The following FBXW10 variants were observed in gnomAD, a reference collection of about 807,000 sequenced individuals.
The protein encoded by FBXW10 is F-box and WD repeat domain containing 10, also known as F-box/WD repeat-containing protein 10.
A neutral mutation model predicts 113.1 loss-of-function variants in FBXW10; 68 were observed. The ratio of observed to expected loss-of-function variants is 0.60; its 90% CI spans 0.49 to 0.74. The LOEUF is 0.74. Ranked by LOEUF, FBXW10 falls within the 30% of genes least tolerant of loss-of-function variation. The pLI, the probability that FBXW10 is intolerant of heterozygous loss-of-function variation, is 0.00. For missense variants in FBXW10, 753 were observed against 1,284.5 expected (o/e 0.59, Z 6.32); for synonymous variants, 289 against 481.6 (o/e 0.60, Z 5.24).
intron 1 of FBXW10, among the ~76,000 whole-genome samples, chr17:18,745,709 C>T (rs79431518): frequency 0.026 from 3,934 of 152,248 alleles, 201 homozygotes; most frequent in African/African-American, 0.089. Context: ...CCACTGCACT[C>T]GACCAGGGAT....
intron 5 of FBXW10, among the ~76,000 whole-genome samples, chr17:18,754,329 C>G (rs1348487758): frequency 6.6e-6 from 1 of 152,040 alleles, no homozygotes; most frequent in Non-Finnish European, 1.5e-5. Flanking sequence ...TTAATTCAGG[C>G]TGGGATATGG....
intron 12 of FBXW10, among the ~76,000 whole-genome samples, chr17:18,774,304 C>G (rs898414660): frequency 1.3e-5 from 2 of 152,234 alleles, no homozygotes; most frequent in African/African-American, 4.8e-5. Context: ...CTATGTGACT[C>G]AGTTTCCAGG....
At chr17:18,752,485 C>A (rs376028839) in intron 5 of FBXW10, among the ~76,000 whole-genome samples, 1 of 152,048 alleles carries the variant, frequency 6.6e-6, no homozygotes, top group African/African-American at 2.4e-5. Context: ...GAGGCCGAGG[C>A]GGGCGGATCA....
chr17:18,755,243 A>G (rs1250081197), intron 5 of FBXW10, among the ~76,000 whole-genome samples: 1 of 150,304 alleles, frequency 6.7e-6, no homozygotes, highest in Non-Finnish European at 1.5e-5. Context: ...AGCCTGGGTG[A>G]GAAGAGTGAA....
At position 18,772,455 on chromosome 17, in the gene FBXW10, G is replaced by T; in HGVS notation, c.2050G>T (p.Glu684Ter). 1 of 1,614,080 alleles carries T rather than the reference G, an allele frequency of 6.2e-7. No individual in the cohort carries two copies. The highest frequency in any genetic ancestry group is 1.1e-5 in the South Asian group (1 of 91,038). The stretch of plus-strand genomic sequence containing the variant: ...GAGCAATGTTCTCATGTTCCAGTTT[G>T]AGCACATAAAGTGGCAGTATGCCGT... ...TESNVLMFQF[E>*]HIKWQYAVEK... Residue 684 changes from glutamate to a stop codon, truncating the protein, a stop_gained, in exon 12 of 14, where the codon GAG (glutamate) becomes TAG (stop). Coordinates refer to ENST00000395665, the MANE Select transcript of FBXW10 (RefSeq NM_001267585.2). LOFTEE classifies it high-confidence loss of function.
rs772238272 is a variant in FBXW10, at chr17:18,766,720, A to T, written c.1562A>T (p.Asp521Val). The stretch of plus-strand genomic sequence containing the variant: ...CTCTCTCCCTCCTGTTCAGTATGGG[A>T]TGTAGACACAGGGAAGTGCCTGAAG... Reference protein sequence around the residue: ...GGRDCQVKVWDVDTGKCLKTF... With the variant: ...GGRDCQVKVWVVDTGKCLKTF... Residue 521 changes from aspartate to valine, a missense_variant, in exon 9 of 14, where the codon GAT (aspartate) becomes GTT (valine). Asp to Val is a radical substitution (Grantham distance 152). Coordinates refer to ENST00000395665, the MANE Select transcript of FBXW10 (RefSeq NM_001267585.2). 102 of 1,613,388 alleles carry T rather than the reference A, an allele frequency of 6.3e-5. 1 individual carries two copies. Among genetic ancestry groups the T allele is most frequent in the Non-Finnish European group, 8.5e-5 (100 of 1,179,704 alleles).
At chr17:18,759,823 G>A (rs1221884735) in intron 7 of FBXW10, among the ~76,000 whole-genome samples, 1 of 152,064 alleles carries the variant, frequency 6.6e-6, no homozygotes, top group African/African-American at 2.4e-5. Flanking sequence ...CCCCATGTTA[G>A]CCAGGATGGT....
intron 1 of FBXW10, among the ~76,000 whole-genome samples, chr17:18,747,340 C>T (rs1251326974): frequency 6.6e-6 from 1 of 152,146 alleles, no homozygotes; most frequent in Non-Finnish European, 1.5e-5. Context: ...GCGGGTGGAT[C>T]ACCTGGAGTC....
intron 1 of FBXW10, among the ~76,000 whole-genome samples, chr17:18,746,111 G>T (rs2035034092): frequency 6.6e-6 from 1 of 152,126 alleles, no homozygotes; most frequent in Admixed American, 6.5e-5. Context: ...TAAACAGCCA[G>T]CTCTTGCTCG....
In FBXW10 at chr17:18,764,884, A is replaced by G. The variant is rs759684647; in HGVS notation, c.1555+21A>G. The stretch of plus-strand genomic sequence containing the variant: ...AAAAGGTGAGAAAGAAGTGCCTTAA[A>G]TTTTCTAAGAAGTTTCCCCCGACCC... On this transcript the variant is annotated intron_variant, in intron 8 of 13. Coordinates refer to ENST00000395665, the MANE Select transcript of FBXW10 (RefSeq NM_001267585.2). 5 of 1,613,760 alleles carry G rather than the reference A, an allele frequency of 3.1e-6. No homozygotes were observed. The Admixed American group carries it at 8.3e-5, about 27-fold the overall frequency.
chr17:18,772,915 T>G (rs1360533510), intron 12 of FBXW10, among the ~76,000 whole-genome samples: 1 of 148,674 alleles, frequency 6.7e-6, no homozygotes, highest in African/African-American at 2.4e-5. Context: ...AGCTAGATTT[T>G]CTTTCTTTCT....
intron 7 of FBXW10, 99 bp from the exon 8 acceptor site, chr17:18,764,643 T>C (rs2035451202): frequency 4.5e-6 from 7 of 1,563,182 alleles, no homozygotes; most frequent in Non-Finnish European, 6.1e-6. Flanking sequence ...CATGAGAATC[T>C]GCTGCCTCCC....
chr17:18,776,224 G>A (rs1326360191), intron 13 of FBXW10, among the ~76,000 whole-genome samples: 1 of 152,016 alleles, frequency 6.6e-6, no homozygotes, highest in South Asian at 2.1e-4. Context: ...GGGAGGCTGG[G>A]GCAGGGGAAT....
chr17:18,750,513 C>A (rs541321686), intron 4 of FBXW10, among the ~76,000 whole-genome samples: 1 of 151,466 alleles, frequency 6.6e-6, no homozygotes, highest in South Asian at 2.1e-4. Context: ...TATAAGGCTG[C>A]AAAGTTTTTT....
intron 9 of FBXW10, among the ~76,000 whole-genome samples, 174 bp downstream of exon 9, chr17:18,767,036 G>A (rs577458569): frequency 1.3e-5 from 2 of 152,188 alleles, no homozygotes; most frequent in South Asian, 4.1e-4. Flanking sequence ...GTCTGTGGAG[G>A]GTAGGGGCTC....
chr17:18,766,599 T>C, intron 8 of FBXW10, 115 bp from the exon 9 acceptor site: 2 of 1,362,074 alleles, frequency 1.5e-6, no homozygotes, highest in Non-Finnish European at 1.0e-6. Context: ...AGAATCTGAC[T>C]TGATGGGCTT....
At chr17:18,764,091 A>G (rs1261042707) in intron 7 of FBXW10, among the ~76,000 whole-genome samples, 4 of 146,310 alleles carry the variant, frequency 2.7e-5, no homozygotes, top group Non-Finnish European at 6.0e-5. Flanking sequence ...ACCACCAAAA[A>G]TATCTCCAGA....
At chr17:18,777,916 G>A (rs1194220638) in intron 13 of FBXW10, among the ~76,000 whole-genome samples, 1 of 151,926 alleles carries the variant, frequency 6.6e-6, no homozygotes, top group Non-Finnish European at 1.5e-5. Context: ...CTCACTTAGA[G>A]GCTAATATAC....
intron 7 of FBXW10, among the ~76,000 whole-genome samples, chr17:18,759,601 C>T (rs1325989068): frequency 2.7e-5 from 4 of 149,564 alleles, no homozygotes; most frequent in Non-Finnish European, 1.5e-5. Context: ...TGGACATTTG[C>T]ATTGTTTCTA....
Sources: gnomAD v4.1 joint callset for allele counts (sites outside exome capture counted in the v4.1 genomes callset) on GRCh38, gnomAD v4.1.1 for gene constraint, MANE v1.5 for transcripts, NCBI Gene and HGNC (gene_info 2026-07-23, HGNC 2026-07-21) for gene names.